The following GBP7 variants were observed in gnomAD, a reference collection of about 807,000 sequenced individuals.
GBP7 encodes guanylate-binding protein 7.
GBP7 carries 43 observed loss-of-function variants against 61.3 expected under a neutral mutation model. The observed-to-expected ratio is 0.70, with a 90% CI of 0.55 to 0.91. The LOEUF is 0.91. Among genes scored for constraint, GBP7 ranks in the 40% least tolerant of loss-of-function variants. GBP7 has a pLI of 0.00. For missense variants in GBP7, 717 were observed against 740.5 expected (o/e 0.97, Z 0.37); for synonymous variants, 267 against 271.0 (o/e 0.99, Z 0.14).
Position 89,149,495 on chromosome 1 carries a change from C to A in GBP7, c.949G>T (p.Val317Phe). 1 of 1,614,150 alleles carries A rather than the reference C, an allele frequency of 6.2e-7. No individual in the cohort carries two copies. Residue 317 changes from valine (V) to phenylalanine (F), a missense_variant, in exon 7 of 11, where the codon GTT (valine) becomes TTT (phenylalanine). This residue lies in a region of GBP7 where 387 missense variants were observed against 385.2 expected (regional missense o/e 1.00). Transcript: ENST00000294671. The stretch of plus-strand genomic sequence containing the variant: ...GCTGAGTTCTCACACTGGGCCAGAA[C>A]TGCCATTGCATTCTCCAGACAAGGA... ...ATPCLENAMA[V>F]LAQCENSAAV...
At chr1:89,147,286 T>C (rs1682091372) in intron 8 of GBP7, among the ~76,000 whole-genome samples, 1 of 152,198 alleles carries the variant, frequency 6.6e-6, no homozygotes, top group Admixed American at 6.5e-5. Flanking sequence ...TCATAGTGTA[T>C]TTCTGTACTT....
intron 3 of GBP7, among the ~76,000 whole-genome samples, chr1:89,162,900 G>T (rs1256308584): frequency 6.6e-6 from 1 of 152,130 alleles, no homozygotes; most frequent in Non-Finnish European, 1.5e-5. Context: ...CAGTGGGTTT[G>T]TCATATATGG....
chr1:89,146,519 CAT>C (rs765398152), intron 8 of GBP7, among the ~76,000 whole-genome samples: 23 of 152,118 alleles, frequency 1.5e-4, no homozygotes, highest in Non-Finnish European at 2.9e-4. Flanking sequence ...ATTTGCAAAC[CAT>C]ATATCTGATA....
chr1:89,134,256 G>A (rs1023894517), intron 9 of GBP7, among the ~76,000 whole-genome samples: 5 of 152,126 alleles, frequency 3.3e-5, no homozygotes, highest in African/African-American at 1.2e-4. Flanking sequence ...GCACACACTC[G>A]CTTGCAGCCT....
Position 89,147,647 on chromosome 1 carries a change from G to A in GBP7, c.1285C>T (p.Pro429Ser). ...TCTAAGTAGATATTGTGCCCCCCCG[G>A]AACAAAGAAAGTTCCTCTTGAAATA... ...ESISRGTFFV[P>S]GGHNIYLEAK... is the part of the protein sequence containing the mutation. Residue 429 changes from proline (P) to serine (S), a missense_variant, in exon 8 of 11, where the codon CCG becomes TCG. Physicochemically the swap from Pro to Ser is moderately conservative, Grantham distance 74. Around this residue, in one of 3 missense-constraint regions of GBP7, gnomAD observed 312 missense variants for 310.1 expected, o/e 1.01. Coordinates refer to ENST00000294671, the MANE Select transcript of GBP7 (RefSeq NM_207398.3). 1 of 1,614,114 alleles carries A rather than the reference G, an allele frequency of 6.2e-7. No homozygotes were observed. The highest frequency in any genetic ancestry group is 8.5e-7 in the Non-Finnish European group (1 of 1,180,000).
At chr1:89,163,267 G>T (rs754594425) in intron 3 of GBP7, among the ~76,000 whole-genome samples, 2 of 152,144 alleles carry the variant, frequency 1.3e-5, no homozygotes, top group African/African-American at 2.4e-5. Flanking sequence ...TCAGGATGAT[G>T]CTGGCCCCAT....
intron 3 of GBP7, among the ~76,000 whole-genome samples, chr1:89,163,466 G>A (rs1426797333): frequency 6.6e-6 from 1 of 151,434 alleles, no homozygotes; most frequent in East Asian, 1.9e-4. Context: ...TGTCTGTTCA[G>A]GGATTCAATT....
chr1:89,144,432 A>G (rs930316268), intron 8 of GBP7, among the ~76,000 whole-genome samples: 2 of 152,130 alleles, frequency 1.3e-5, no homozygotes, highest in African/African-American at 4.8e-5. Flanking sequence ...TAATAATTCT[A>G]TTTTTAGTTC....
At chr1:89,164,555 G>A (rs1647366078) in intron 3 of GBP7, among the ~76,000 whole-genome samples, 176 bp downstream of exon 3, 1 of 152,128 alleles carries the variant, frequency 6.6e-6, no homozygotes, top group African/African-American at 2.4e-5. Flanking sequence ...ATCACCAATA[G>A]TCCAAAATAT....
rs558233332 is a variant in GBP7 at position 89,137,246 on chromosome 1, T to C, written c.1469-3795A>G. Reference sequence around the variant, plus strand: ...ACATAGAAAGAAGAGCTGGTACCAATTCTACTAAACTATTCCAAAAAAAAT... The same window carrying C: ...ACATAGAAAGAAGAGCTGGTACCAACTCTACTAAACTATTCCAAAAAAAAT... On this transcript the variant is annotated intron_variant, in intron 9 of 10. Transcript: ENST00000294671. Among the ~76,000 whole-genome samples, 107 of 152,170 alleles carry C rather than the reference T, an allele frequency of 7.0e-4. 1 individual carries two copies. The highest frequency in any genetic ancestry group is 5.8e-3 in the South Asian group (28 of 4,818).
At chr1:89,169,775 A>C (rs1215879797) in intron 2 of GBP7, among the ~76,000 whole-genome samples, 2 of 152,240 alleles carry the variant, frequency 1.3e-5, no homozygotes, top group Non-Finnish European at 2.9e-5. Flanking sequence ...TTTAGTGTGT[A>C]AACCAGTATG....
At chr1:89,159,126 T>C (rs989125843) in intron 3 of GBP7, among the ~76,000 whole-genome samples, 10 of 152,210 alleles carry the variant, frequency 6.6e-5, no homozygotes, top group Admixed American at 3.3e-4. Context: ...ATTCCCTATT[T>C]GATAAATGGT....
rs534714994 is a variant in GBP7, at chr1:89,171,506, A to G, written c.190+240T>C. ...TTTAGTAAATATTTAATAATGCATT[A>G]TTATTTAATTTTTTTATTAATACCT... On this transcript the variant is annotated intron_variant, in intron 2 of 10. Transcript: ENST00000294671. Among the ~76,000 whole-genome samples, 9 of 151,956 alleles carry G rather than the reference A, an allele frequency of 5.9e-5. No individual in the cohort carries two copies. The East Asian group carries it at 1.3e-3, about 23-fold the overall frequency.
intron 2 of GBP7, among the ~76,000 whole-genome samples, chr1:89,168,527 T>C (rs1647504414): frequency 6.6e-6 from 1 of 152,228 alleles, no homozygotes; most frequent in Non-Finnish European, 1.5e-5. Flanking sequence ...TCAAGACTGC[T>C]TGGAGCATGT....
intron 8 of GBP7, among the ~76,000 whole-genome samples, chr1:89,147,028 G>T (rs1682084547): frequency 6.6e-6 from 1 of 152,200 alleles, no homozygotes; most frequent in Admixed American, 6.5e-5. Flanking sequence ...AATTGCCTAT[G>T]TGGAAGATAG....
At chr1:89,173,272 G>GT (rs1223261060) in intron 1 of GBP7, among the ~76,000 whole-genome samples, 3 of 152,146 alleles carry the variant, frequency 2.0e-5, no homozygotes, top group African/African-American at 7.2e-5. Flanking sequence ...CAGGGGCAAA[G>GT]TTAAGAAATA....
chr1:89,166,556 T>G lies in GBP7; in HGVS notation c.191-1698A>C, dbSNP rs549146455. Among the ~76,000 whole-genome samples the G allele has an allele frequency of 2.0e-5, 3 of 152,306 alleles. No homozygotes were observed. In the East Asian group the frequency reaches 5.8e-4, roughly 29 times the overall value. Reference sequence around the variant, plus strand: ...ATGAGGTATTAGAATACCGCAGGAATTAAAAAGTTATACCTTGGACTAGTA... The same window carrying G: ...ATGAGGTATTAGAATACCGCAGGAAGTAAAAAGTTATACCTTGGACTAGTA... On this transcript the variant is annotated intron_variant, in intron 2 of 10. Transcript: ENST00000294671.
chr1:89,132,403 C>T lies in GBP7; in HGVS notation c.1663G>A (p.Val555Ile). 1 of 1,577,366 alleles carries T rather than the reference C, an allele frequency of 6.3e-7. No homozygotes were observed. Residue 555 changes from valine to isoleucine, a missense_variant and splice_region_variant, in exon 11 of 11, where the codon GTC becomes ATC. Val to Ile is a conservative substitution (Grantham distance 29, BLOSUM62 3). Coordinates refer to ENST00000294671, the MANE Select transcript of GBP7 (RefSeq NM_207398.3). ...CCTTCAGTAAGCAGTTCTTCTAGGACCTATAAAAGTAAAAGAGCCTACTTT... is the reference window on the plus strand; with the variant it reads ...CCTTCAGTAAGCAGTTCTTCTAGGATCTATAAAAGTAAAAGAGCCTACTTT... ...LRKMLSHKMKVLEELLTEGFK... is the reference protein window; with the variant it reads ...LRKMLSHKMKILEELLTEGFK...
intron 6 of GBP7, 114 bp from the exon 7 acceptor site, chr1:89,149,686 C>A: frequency 1.2e-6 from 1 of 812,232 alleles, no homozygotes; most frequent in East Asian, 2.7e-5. Context: ...CATGAATTTT[C>A]CCTCCTTCTC....
Sources: gnomAD v4.1 joint callset for allele counts (sites outside exome capture counted in the v4.1 genomes callset) on GRCh38, gnomAD v4.1.1 for gene constraint, gnomAD v4.1.1 regional missense constraint, MANE v1.5 for transcripts, NCBI Gene and HGNC (gene_info 2026-07-23, HGNC 2026-07-21) for gene names.